The following OPHN1 variants were observed in gnomAD, a reference collection of about 807,000 sequenced individuals.
The protein encoded by OPHN1 is oligophrenin 1.
A neutral mutation model predicts 60.7 loss-of-function variants in OPHN1; 11 were observed. That is an observed-to-expected ratio of 0.18 (90% confidence interval 0.11 to 0.30). The LOEUF is 0.30. OPHN1 is among the 10% of genes least tolerant of loss of function. OPHN1 has a pLI of 1.00. For synonymous variants in OPHN1, 226 were observed against 222.6 expected (o/e 1.02, Z -0.14); for missense variants, 449 against 611.0 (o/e 0.73, Z 2.80).
In OPHN1 at chrX:68,167,460, A is replaced by C. The variant is rs747940698; in HGVS notation, c.1276+25459T>G. 8.1e-5 allele frequency among the ~76,000 whole-genome samples: 9 copies of C among 110,636 alleles called. 1 individual carries two copies. In the East Asian group the frequency reaches 2.6e-3, roughly 32 times the overall value. On this transcript the variant is annotated intron_variant, in intron 15 of 24. Transcript: ENST00000355520. ...TGGAGGTTCCACAAAAAATCTCAAA[A>C]TTGAGTTACCATATAATCCAGCAAT...
intron 6 of OPHN1, among the ~76,000 whole-genome samples, chrX:68,230,658 G>A (rs6624350): frequency 0.19 from 19,989 of 106,375 alleles, 1,682 homozygotes; most frequent in African/African-American, 0.31. Context: ...GCAAACTATC[G>A]CAAGGACAGA....
At chrX:68,371,749 T>C (rs1326301009) in intron 2 of OPHN1, among the ~76,000 whole-genome samples, 1 of 111,901 alleles carries the variant, frequency 8.9e-6, no homozygotes, top group African/African-American at 3.2e-5. Context: ...GTTTGTTTGT[T>C]TATTTTTCAC....
chrX:68,425,700 A>G (rs909278556), intron 2 of OPHN1, among the ~76,000 whole-genome samples: 2 of 110,609 alleles, frequency 1.8e-5, no homozygotes, highest in African/African-American at 6.6e-5. Context: ...AGTTATTAAA[A>G]CTATAGAATT....
chrX:68,270,545 C>A (rs1290300494), intron 5 of OPHN1, among the ~76,000 whole-genome samples: 1 of 89,427 alleles, frequency 1.1e-5, no homozygotes, highest in Non-Finnish European at 2.1e-5. Flanking sequence ...ACAATGAGAA[C>A]ACATGGACAC....
chrX:68,095,472 T>A (rs1232638914), intron 19 of OPHN1, among the ~76,000 whole-genome samples: 2 of 112,415 alleles, frequency 1.8e-5, no homozygotes, highest in African/African-American at 6.5e-5. Flanking sequence ...AGCTTTCTGA[T>A]CCCTGCTTTA....
At chrX:68,228,854 G>A (rs12846050) in intron 6 of OPHN1, among the ~76,000 whole-genome samples, 1 of 110,620 alleles carries the variant, frequency 9.0e-6, no homozygotes, top group Non-Finnish European at 1.9e-5. Context: ...ACTGGCACAA[G>A]ACAGGGATGC....
At chrX:68,069,545 T>G (rs2076925519) in intron 20 of OPHN1, among the ~76,000 whole-genome samples, 1 of 111,262 alleles carries the variant, frequency 9.0e-6, no homozygotes, top group Non-Finnish European at 1.9e-5. Context: ...CATTCATTCT[T>G]AGAATATTTA....
chrX:68,426,024 GT>G (rs1269816119), intron 2 of OPHN1, among the ~76,000 whole-genome samples: 5 of 110,130 alleles, frequency 4.5e-5, no homozygotes, highest in African/African-American at 1.6e-4. Flanking sequence ...TAGAGACAAG[GT>G]TTCGCCATGT....
Position 68,241,317 on chromosome X carries a change from G to T in OPHN1, c.385-6729C>A, listed in dbSNP as rs983478461. On this transcript the variant is annotated intron_variant, in intron 5 of 24. Coordinates refer to ENST00000355520, the MANE Select transcript of OPHN1 (RefSeq NM_002547.3). ...AATGTTAAAAAGTTCCAATGAAATT[G>T]CTGTTCTATCTGCTTCAGTTCATGT... 4.5e-5 allele frequency among the ~76,000 whole-genome samples: 5 copies of T among 111,934 alleles called. 1 individual carries two copies. The highest frequency in any genetic ancestry group is 1.6e-4 in the African/African-American group (5 of 30,899).
intron 19 of OPHN1, among the ~76,000 whole-genome samples, chrX:68,094,613 A>T (rs908949187): frequency 1.8e-5 from 2 of 111,300 alleles, no homozygotes; most frequent in African/African-American, 6.5e-5. Flanking sequence ...CATTGCAGCC[A>T]GAATAAGCCT....
chrX:68,157,801 A>G (rs1388489405), intron 15 of OPHN1, among the ~76,000 whole-genome samples: 1 of 112,661 alleles, frequency 8.9e-6, no homozygotes, highest in Non-Finnish European at 1.9e-5. Flanking sequence ...AAAACAGACA[A>G]AATTCATACC....
Position 68,192,720 on chromosome X carries a change from G to A in OPHN1, c.1276+199C>T, listed in dbSNP as rs887290097. On this transcript the variant is annotated intron_variant, in intron 15 of 24. Coordinates refer to ENST00000355520, the MANE Select transcript of OPHN1 (RefSeq NM_002547.3). Reference sequence around the variant, plus strand: ...AGGGTTTCTGGAGTGAATGGGATACGAGGAAGGAGAGATAACAGCCATTTT... The same window carrying A: ...AGGGTTTCTGGAGTGAATGGGATACAAGGAAGGAGAGATAACAGCCATTTT... The A allele has an allele frequency of 1.5e-4, 62 of 423,903 alleles. No individual in the cohort carries two copies. In the East Asian group the frequency reaches 2.3e-3, roughly 16 times the overall value. The allele number at this position is 423,903 out of a possible 1,213,427, so 34.9% of individuals were successfully genotyped here.
intron 2 of OPHN1, among the ~76,000 whole-genome samples, chrX:68,359,558 AAGAATT>A (rs1048697958): frequency 8.1e-5 from 9 of 111,111 alleles, no homozygotes; most frequent in South Asian, 3.8e-4. Flanking sequence ...ACCACCAGCT[AAGAATT>A]ACCTAGTACA....
At chrX:68,125,135 T>G (rs1326882077) in intron 15 of OPHN1, among the ~76,000 whole-genome samples, 1 of 111,667 alleles carries the variant, frequency 9.0e-6, no homozygotes, top group African/African-American at 3.3e-5. Context: ...ACTGAACATT[T>G]TCTTAAAGCA....
intron 5 of OPHN1, among the ~76,000 whole-genome samples, chrX:68,258,427 C>A (rs1253453191): frequency 1.3e-5 from 1 of 78,697 alleles, no homozygotes; most frequent in Admixed American, 1.5e-4. Flanking sequence ...CCCCACCCCA[C>A]AACAGGCCCC....
chrX:68,378,679 T>C (rs2078575658), intron 2 of OPHN1, among the ~76,000 whole-genome samples: 1 of 112,109 alleles, frequency 8.9e-6, no homozygotes, highest in African/African-American at 3.2e-5. Flanking sequence ...GCACCATTTA[T>C]TAAACAGGGA....
At chrX:68,262,679 T>C (rs1445820404) in intron 5 of OPHN1, among the ~76,000 whole-genome samples, 2 of 111,773 alleles carry the variant, frequency 1.8e-5, no homozygotes, top group South Asian at 7.4e-4. Context: ...TCAAGCTACT[T>C]GGAAGGCTGA....
At chrX:68,423,591 A>AC (rs1384555097) in intron 2 of OPHN1, among the ~76,000 whole-genome samples, 1 of 109,870 alleles carries the variant, frequency 9.1e-6, no homozygotes, top group Non-Finnish European at 1.9e-5. Context: ...ATACATTCCA[A>AC]CCCCCCAGCT....
intron 2 of OPHN1, among the ~76,000 whole-genome samples, chrX:68,351,175 C>T (rs1479723956): frequency 9.0e-6 from 1 of 111,362 alleles, no homozygotes; most frequent in African/African-American, 3.3e-5. Flanking sequence ...GATCCACCCA[C>T]CTCGGCCTCC....
Sources: allele counts gnomAD v4.1 joint callset (sites outside exome capture counted in the v4.1 genomes callset), GRCh38; gene constraint gnomAD v4.1.1; transcripts MANE v1.5; gene names NCBI Gene and HGNC (gene_info 2026-07-23, HGNC 2026-07-21).